Variants in FGF14 observed in about 807,000 individuals in gnomAD.
The protein encoded by FGF14 is fibroblast growth factor homologous factor 4.
FGF14 carries 5 observed loss-of-function variants against 25.5 expected under a neutral mutation model. The observed-to-expected ratio is 0.20, with a 90% CI of 0.10 to 0.41. The LOEUF (loss-of-function observed/expected upper bound fraction) is 0.41, where lower values mean the gene tolerates loss of function less well. FGF14 is among the 10% of genes least tolerant of loss of function. The probability of loss-of-function intolerance (pLI) is 1.00; values close to 1 mark genes in which losing one functional copy is unlikely to be tolerated. For synonymous variants in FGF14, 138 were observed against 118.3 expected (o/e 1.17, Z -1.08); for missense variants, 222 against 320.1 (o/e 0.69, Z 2.34).
At chr13:102,161,715 GAAGAAGAAGAAT>G (rs2047777228) in intron 1 of FGF14, among the ~76,000 whole-genome samples, 7 of 149,684 alleles carry the variant, frequency 4.7e-5, no homozygotes, top group Admixed American at 6.7e-5. Flanking sequence ...AGAAGAAGAA[GAAGAAGAAGAAT>G]AGAAATGTGT....
intron 1 of FGF14, among the ~76,000 whole-genome samples, chr13:102,309,416 C>A (rs566160068): frequency 6.6e-6 from 1 of 152,272 alleles, no homozygotes; most frequent in East Asian, 1.9e-4. Flanking sequence ...TATCAGCCTG[C>A]ACTAACCAGC....
chr13:101,936,084 T>C (rs2035083391), intron 1 of FGF14, among the ~76,000 whole-genome samples: 1 of 152,200 alleles, frequency 6.6e-6, no homozygotes, highest in Admixed American at 6.5e-5. Flanking sequence ...AGCAGCAAGC[T>C]TTAACATACC....
At chr13:102,005,456 G>A (rs1169364322) in intron 1 of FGF14, among the ~76,000 whole-genome samples, 1 of 152,150 alleles carries the variant, frequency 6.6e-6, no homozygotes, top group Admixed American at 6.5e-5. Context: ...TTTCCACAGA[G>A]CAGGAACAGT....
At chr13:102,257,368 T>TTTTTTTTTTTTTTTTTTTTC (rs1324599457) in intron 1 of FGF14, among the ~76,000 whole-genome samples, 1 of 144,640 alleles carries the variant, frequency 6.9e-6, no homozygotes, top group Non-Finnish European at 1.5e-5. Flanking sequence ...TTTTTTTTTT[T>TTTTTTTTTTTTTTTTTTTTC]CGAGACGGAG....
At chr13:102,056,410 C>G (rs1467566009) in intron 1 of FGF14, among the ~76,000 whole-genome samples, 2 of 152,214 alleles carry the variant, frequency 1.3e-5, no homozygotes, top group African/African-American at 2.4e-5. Flanking sequence ...CCACTACCAA[C>G]AGCAGAGATT....
At chr13:102,114,892 A>G (rs1273693270) in intron 1 of FGF14, among the ~76,000 whole-genome samples, 4 of 152,198 alleles carry the variant, frequency 2.6e-5, no homozygotes, top group Non-Finnish European at 4.4e-5. Context: ...ATAGCTCCAG[A>G]GATTGGGGGT....
intron 1 of FGF14, among the ~76,000 whole-genome samples, chr13:102,154,333 C>T (rs1039355500): frequency 1.5e-4 from 22 of 151,708 alleles, no homozygotes; most frequent in Non-Finnish European, 2.6e-4. Context: ...AGAAACCCTA[C>T]AAGCCAGAAG....
intron 3 of FGF14, among the ~76,000 whole-genome samples, chr13:101,749,505 G>A (rs2037133929): frequency 6.6e-6 from 1 of 151,882 alleles, no homozygotes; most frequent in African/African-American, 2.4e-5. Context: ...GGTTAAGATG[G>A]TAAATTTTGT....
In FGF14 at chr13:101,982,474, G is replaced by T. The variant is rs539532722; in HGVS notation, c.209-107178C>A. Among the ~76,000 whole-genome samples the T allele has an allele frequency of 1.1e-4, 17 of 152,226 alleles. No homozygotes were observed. The South Asian group carries it at 3.5e-3, about 32-fold the overall frequency. ...AAGCTTTGAATACTGCCATATTCTA[G>T]AATAAAGGCGTGCACACTCTGCCAC... On this transcript the variant is annotated intron_variant, in intron 1 of 4. Transcript: ENST00000376131.
At chr13:102,319,773 C>T (rs781196701) in intron 1 of FGF14, among the ~76,000 whole-genome samples, 14 of 152,152 alleles carry the variant, frequency 9.2e-5, no homozygotes, top group Non-Finnish European at 1.3e-4. Context: ...TTTTTTGGAG[C>T]ACCTGGGCAC....
chr13:102,327,371 T>C (rs1347657109), intron 1 of FGF14, among the ~76,000 whole-genome samples: 1 of 152,224 alleles, frequency 6.6e-6, no homozygotes, highest in Non-Finnish European at 1.5e-5. Context: ...ATTATTGTTA[T>C]CTCGCATAAG....
At chr13:102,058,839 A>G (rs967433908) in intron 1 of FGF14, among the ~76,000 whole-genome samples, 1 of 152,040 alleles carries the variant, frequency 6.6e-6, no homozygotes, top group Admixed American at 6.6e-5. Flanking sequence ...GTGGTATCAC[A>G]TGTTGTTTCT....
chr13:101,894,459 G>A (rs148051352), intron 1 of FGF14, among the ~76,000 whole-genome samples: 293 of 152,260 alleles, frequency 1.9e-3, no homozygotes, highest in African/African-American at 6.7e-3. Flanking sequence ...GCAACTGACT[G>A]AGACTTATCC....
At chr13:101,943,983 A>G (rs954028787) in intron 1 of FGF14, among the ~76,000 whole-genome samples, 2 of 142,086 alleles carry the variant, frequency 1.4e-5, no homozygotes, top group African/African-American at 5.3e-5. Context: ...CCTGGGCAAG[A>G]GTGAAACTCC....
chr13:102,131,834 A>C (rs2046209649), intron 1 of FGF14, among the ~76,000 whole-genome samples: 1 of 152,182 alleles, frequency 6.6e-6, no homozygotes, highest in African/African-American at 2.4e-5. Flanking sequence ...TAATCACGGA[A>C]ACACAAATTA....
intron 1 of FGF14, among the ~76,000 whole-genome samples, chr13:102,329,541 A>G (rs897090867): frequency 1.3e-5 from 2 of 152,120 alleles, no homozygotes; most frequent in East Asian, 3.9e-4. Context: ...GAGTTCTTCA[A>G]CTTTTAGTTC....
At chr13:101,742,449 A>C (rs2036615717) in intron 3 of FGF14, among the ~76,000 whole-genome samples, 1 of 152,204 alleles carries the variant, frequency 6.6e-6, no homozygotes, top group Non-Finnish European at 1.5e-5. Context: ...ATTAAGATTA[A>C]AGATTTAGAA....
intron 1 of FGF14, among the ~76,000 whole-genome samples, chr13:102,278,386 C>T (rs1474376000): frequency 6.6e-6 from 1 of 152,142 alleles, no homozygotes; most frequent in Non-Finnish European, 1.5e-5. Flanking sequence ...AAGCTAAGCG[C>T]AAACAATACA....
intron 1 of FGF14, among the ~76,000 whole-genome samples, chr13:102,018,516 T>A (rs2040463206): frequency 6.6e-6 from 1 of 152,160 alleles, no homozygotes; most frequent in Non-Finnish European, 1.5e-5. Context: ...TACCAAAGTA[T>A]GACCCTGAAA....
Sources: gnomAD v4.1 joint callset for allele counts (sites outside exome capture counted in the v4.1 genomes callset) on GRCh38, gnomAD v4.1.1 for gene constraint, MANE v1.5 for transcripts, NCBI Gene and HGNC (gene_info 2026-07-23, HGNC 2026-07-21) for gene names.